The following MSR1 variants were observed in gnomAD, a reference collection of about 807,000 sequenced individuals.
MSR1 encodes the protein macrophage scavenger receptor types I and II.
Under a neutral mutation model 47.2 loss-of-function variants are expected in MSR1, and 53 were observed. That is an observed-to-expected ratio of 1.12 (90% confidence interval 0.90 to 1.41). MSR1 has a LOEUF of 1.41. Ranked by LOEUF, MSR1 falls within the 40% of genes most tolerant of loss-of-function variation. The pLI, the probability that MSR1 is intolerant of heterozygous loss-of-function variation, is 0.00. For synonymous variants in MSR1, 239 were observed against 185.6 expected (o/e 1.29, Z -2.34); for missense variants, 786 against 546.9 (o/e 1.44, Z -4.36).
intron 9 of MSR1, 93 bp from the exon 10 acceptor site, chr8:16,110,311 C>A (rs1397972166): frequency 5.0e-6 from 7 of 1,395,978 alleles, no homozygotes; most frequent in African/African-American, 2.9e-5. Flanking sequence ...ACTAATTAAA[C>A]AAAAAAGTGT....
intron 8 of MSR1, 131 bp from the exon 9 acceptor site, chr8:16,120,737 T>C (rs1339176370): frequency 1.2e-5 from 13 of 1,113,686 alleles, no homozygotes; most frequent in Middle Eastern, 3.0e-4. Context: ...ACTTCAACTA[T>C]TGGAATAAAT....
At chr8:16,182,058 G>A (rs976910933) in intron 1 of MSR1, among the ~76,000 whole-genome samples, 3 of 152,022 alleles carry the variant, frequency 2.0e-5, no homozygotes, top group African/African-American at 4.8e-5. Context: ...CTGCTGCTAG[G>A]CAACAAACCC....
rs374421917 is a variant in MSR1, at chr8:16,175,205, G to A, written c.199C>T (p.Leu67Phe). ...ACGTTACCTGCCACTATTCCAATGA[G>A]AGGGATGAGAACTGCAAACACGAGG... ...YLLVFAVLIP[L>F]IGIVAAQLLK... is the part of the protein sequence containing the mutation. The change falls in exon 3 of 10, where the codon CTC (leucine) becomes TTC (phenylalanine). Residue 67 changes from leucine to phenylalanine, a missense_variant. Physicochemically the swap from Leu to Phe is conservative, Grantham distance 22. Transcript: ENST00000262101. 1.9e-6 allele frequency: 3 copies of A among 1,613,974 alleles called. No homozygotes were observed. Among genetic ancestry groups the A allele is most frequent in the Non-Finnish European group, 2.5e-6 (3 of 1,179,936 alleles).
chr8:16,173,710 G>A (rs947923887), intron 3 of MSR1, among the ~76,000 whole-genome samples: 1 of 151,892 alleles, frequency 6.6e-6, no homozygotes, highest in Non-Finnish European at 1.5e-5. Context: ...GCACAGTGGC[G>A]CGATCTCGGC....
At chr8:16,179,879 CAAAAAAAAAAA>C (rs58441043) in intron 1 of MSR1, among the ~76,000 whole-genome samples, 3 of 80,950 alleles carry the variant, frequency 3.7e-5, no homozygotes, top group Non-Finnish European at 4.7e-5. Context: ...CCCTGTGTCT[CAAAAAAAAAAA>C]AAAAAAAAAA....
At chr8:16,131,447 T>TTTTTTTTGTTTTTTG (rs1800256359) in intron 8 of MSR1, among the ~76,000 whole-genome samples, 1 of 146,682 alleles carries the variant, frequency 6.8e-6, no homozygotes, top group African/African-American at 2.5e-5. Context: ...GATAGTTTTT[T>TTTTTTTTGTTTTTTG]TTTTTTTTTT....
intron 1 of MSR1, among the ~76,000 whole-genome samples, chr8:16,181,404 GC>G (rs1407740214): frequency 6.6e-6 from 1 of 152,110 alleles, no homozygotes; most frequent in Non-Finnish European, 1.5e-5. Flanking sequence ...CAATCCAAAT[GC>G]CCATCAATGA....
intron 8 of MSR1, among the ~76,000 whole-genome samples, chr8:16,126,818 A>C (rs149776470): frequency 1.3e-5 from 2 of 152,232 alleles, no homozygotes; most frequent in East Asian, 3.9e-4. Context: ...TGGCCTCCCA[A>C]AGTACTGGGA....
intron 1 of MSR1, among the ~76,000 whole-genome samples, chr8:16,179,951 C>G (rs548753843): frequency 3.3e-5 from 5 of 150,206 alleles, no homozygotes; most frequent in Admixed American, 2.7e-4. Context: ...CTCACTGACT[C>G]TGTTTCCCAG....
At chr8:16,173,773 C>T (rs901444298) in intron 3 of MSR1, among the ~76,000 whole-genome samples, 3 of 152,074 alleles carry the variant, frequency 2.0e-5, no homozygotes, top group East Asian at 3.9e-4. Flanking sequence ...CTCAGCCTCC[C>T]GAGTAGCTGG....
chr8:16,110,797 A>G (rs1799739817), intron 9 of MSR1, among the ~76,000 whole-genome samples: 1 of 152,142 alleles, frequency 6.6e-6, no homozygotes, highest in Non-Finnish European at 1.5e-5. Context: ...ACCATCCTGT[A>G]AGGAAATCAT....
chr8:16,131,221 A>G (rs1294725380), intron 8 of MSR1, among the ~76,000 whole-genome samples: 3 of 152,044 alleles, frequency 2.0e-5, no homozygotes, highest in Non-Finnish European at 4.4e-5. Flanking sequence ...TTTGGTTTGC[A>G]TTTCTCTAAT....
chr8:16,157,945 T>C (rs1046765218), intron 5 of MSR1, among the ~76,000 whole-genome samples: 3 of 151,980 alleles, frequency 2.0e-5, no homozygotes, highest in East Asian at 1.9e-4. Context: ...TATTCTGTCA[T>C]ATTATGGAAA....
chr8:16,127,085 A>G (rs1800146416), intron 8 of MSR1, among the ~76,000 whole-genome samples: 1 of 152,144 alleles, frequency 6.6e-6, no homozygotes, highest in Non-Finnish European at 1.5e-5. Context: ...GGAGAAAAAA[A>G]GTATCATATA....
intron 8 of MSR1, chr8:16,139,921 A>G (rs894097971): frequency 3.4e-5 from 13 of 387,714 alleles, no homozygotes; most frequent in African/African-American, 3.0e-4. Flanking sequence ...TCCTCTGCAT[A>G]CCTATCCAGC....
chr8:16,168,978 C>G, intron 3 of MSR1, 108 bp from the exon 4 acceptor site: 1 of 1,117,728 alleles, frequency 8.9e-7, no homozygotes, highest in Non-Finnish European at 1.3e-6. Context: ...TCCATTCCAA[C>G]ATTTTGAATG....
At chr8:16,118,638 C>T (rs1008732976) in intron 9 of MSR1, among the ~76,000 whole-genome samples, 2 of 151,862 alleles carry the variant, frequency 1.3e-5, no homozygotes, top group African/African-American at 4.8e-5. Context: ...GAGATTACAC[C>T]CCGCACTCCA....
chr8:16,186,087 G>C, intron 1 of MSR1: 3 of 1,273,926 alleles, frequency 2.4e-6, no homozygotes, highest in South Asian at 1.3e-5. Context: ...ATAAAACCTT[G>C]CAAGATTGGC....
intron 8 of MSR1, 197 bp from the exon 9 acceptor site, chr8:16,120,803 T>C: frequency 1.4e-6 from 1 of 696,708 alleles, no homozygotes; most frequent in Non-Finnish European, 2.3e-6. Flanking sequence ...ATATTGCAGC[T>C]TTAACAGCTG....
Sources: gnomAD v4.1 joint callset for allele counts (sites outside exome capture counted in the v4.1 genomes callset) on GRCh38, gnomAD v4.1.1 for gene constraint, MANE v1.5 for transcripts, NCBI Gene and HGNC (gene_info 2026-07-23, HGNC 2026-07-21) for gene names.